The following MZT2B variants were observed in gnomAD, a reference collection of about 807,000 sequenced individuals.
MZT2B encodes mitotic-spindle organizing protein 2B.
A neutral mutation model predicts 12.1 loss-of-function variants in MZT2B; 11 were observed. The observed-to-expected ratio is 0.91, with a 90% CI of 0.57 to 1.50. The LOEUF (loss-of-function observed/expected upper bound fraction) is 1.50, where lower values mean the gene tolerates loss of function less well. MZT2B is among the 40% of genes most tolerant of loss of function. The pLI is 0.00. For missense variants in MZT2B, 209 were observed against 227.7 expected (o/e 0.92, Z 0.53); for synonymous variants, 85 against 109.5 (o/e 0.78, Z 1.40).
At chr2:130,182,089 C>A, upstream of MZT2B, 1 of 1,346,526 alleles carries the variant, frequency 7.4e-7, no homozygotes, top group Non-Finnish European at 9.6e-7. Context: ...CCTAGAGCGC[C>A]GCTCAGCACA....
chr2:130,199,009 C>G, the MZT2B span, among the ~76,000 whole-genome samples: 6 of 123,540 alleles, frequency 4.9e-5, 2 homozygotes, highest in African/African-American at 1.7e-4. Flanking sequence ...TCAAGAGTTC[C>G]CGAGACCAGC....
intron 2 of MZT2B, chr2:130,188,043 C>CT (rs1353840665): frequency 6.8e-6 from 1 of 146,672 alleles, no homozygotes; most frequent in Non-Finnish European, 1.5e-5. Context: ...GACTCAGTCT[C>CT]TAAACCCCCC....
the MZT2B span, among the ~76,000 whole-genome samples, chr2:130,202,648 C>T: frequency 6.6e-6 from 1 of 152,172 alleles, no homozygotes; most frequent in East Asian, 1.9e-4. Flanking sequence ...GGGCTTGGCT[C>T]CTTGCCATGG....
intron 2 of MZT2B, chr2:130,183,938 C>A: frequency 1.9e-6 from 3 of 1,550,586 alleles, no homozygotes; most frequent in Non-Finnish European, 2.6e-6. Context: ...CCCTCCGCCT[C>A]TCTTGCTGCC....
chr2:130,188,522 G>A (rs1313446331), intron 2 of MZT2B, among the ~76,000 whole-genome samples: 3 of 152,218 alleles, frequency 2.0e-5, no homozygotes, highest in Non-Finnish European at 4.4e-5. Flanking sequence ...GCTGGGCTGA[G>A]GTGGCCAATC....
chr2:130,183,414 C>A (rs921783405), intron 2 of MZT2B: 3 of 382,474 alleles, frequency 7.8e-6, no homozygotes, highest in African/African-American at 6.2e-5. Context: ...CCTGCGGGGT[C>A]TGAAGGGCCT....
chr2:130,191,769 T>C (rs1404393043), downstream of MZT2B: 21 of 1,564,472 alleles, frequency 1.3e-5, no homozygotes, highest in Middle Eastern at 5.2e-4. Flanking sequence ...AATCTTTAAT[T>C]GCAAACAACT....
the MZT2B span, among the ~76,000 whole-genome samples, chr2:130,197,297 G>T: frequency 1.9e-4 from 29 of 151,214 alleles, no homozygotes; most frequent in African/African-American, 6.8e-4. Flanking sequence ...GACCAGCCTG[G>T]GTAACATAGT....
At chr2:130,196,618 T>A in the MZT2B span, among the ~76,000 whole-genome samples, 19 of 152,182 alleles carry the variant, frequency 1.2e-4, no homozygotes, top group Non-Finnish European at 2.5e-4. Flanking sequence ...AAAACTTAGG[T>A]TATTTTAAAA....
upstream of MZT2B, chr2:130,182,187 C>G (rs936442265): frequency 4.0e-6 from 5 of 1,256,584 alleles, no homozygotes; most frequent in Admixed American, 4.0e-5. Flanking sequence ...CAGGGCAGCC[C>G]GGGAGGCCAG....
At chr2:130,184,787 G>GT in intron 2 of MZT2B, 2 of 985,392 alleles carry the variant, frequency 2.0e-6, no homozygotes, top group Non-Finnish European at 2.4e-6. Flanking sequence ...CAGGGCTCTG[G>GT]GAGCCAGGCC....
intron 2 of MZT2B, chr2:130,183,710 G>C: frequency 6.5e-7 from 1 of 1,550,282 alleles, no homozygotes; most frequent in Non-Finnish European, 8.7e-7. Context: ...ACCCAAGAGG[G>C]CCCGGGCACC....
downstream of MZT2B, chr2:130,190,754 GT>G (rs796189168): frequency 8.8e-3 from 10,310 of 1,169,354 alleles, 268 homozygotes; most frequent in African/African-American, 0.11. Flanking sequence ...TTTTTTTTTT[GT>G]TTTTTTTTTT....
intron 2 of MZT2B, chr2:130,183,609 C>T (rs765442608): frequency 2.8e-6 from 3 of 1,061,340 alleles, no homozygotes; most frequent in Non-Finnish European, 2.8e-6. Context: ...CCTGGAAGCA[C>T]GAGGAGACCC....
At chr2:130,197,492 C>CAAAAAAAAA in the MZT2B span, among the ~76,000 whole-genome samples, 1 of 44,388 alleles carries the variant, frequency 2.3e-5, no homozygotes, top group Non-Finnish European at 5.0e-5. Context: ...AGTGCTGTCT[C>CAAAAAAAAA]AAAAAAAAAA....
At chr2:130,183,644 G>C (rs1689909829) in intron 2 of MZT2B, 1 of 1,383,980 alleles carries the variant, frequency 7.2e-7, no homozygotes, top group African/African-American at 1.4e-5. Flanking sequence ...AGAAGGCGTG[G>C]AGAGCAGGCT....
the MZT2B span, among the ~76,000 whole-genome samples, chr2:130,197,027 G>A: frequency 2.6e-5 from 4 of 152,188 alleles, no homozygotes; most frequent in Non-Finnish European, 5.9e-5. Context: ...TGCTGTGGGT[G>A]ACCTGAATCC....
chr2:130,190,318 C>T (rs1242673450), intron 2 of MZT2B, 151 bp from the exon 3 acceptor site: 2 of 1,250,426 alleles, frequency 1.6e-6, no homozygotes, highest in East Asian at 5.1e-5. Context: ...GGTTCTGAGT[C>T]TCAGGACTTG....
downstream of MZT2B, chr2:130,193,693 G>T: frequency 6.7e-7 from 1 of 1,493,248 alleles, no homozygotes; most frequent in Non-Finnish European, 9.1e-7. Context: ...CATGGAACAG[G>T]GATAGTCTCC....
Sources: gnomAD v4.1 joint callset for allele counts (sites outside exome capture counted in the v4.1 genomes callset) on GRCh38, gnomAD v4.1.1 for gene constraint, MANE v1.5 for transcripts, NCBI Gene and HGNC (gene_info 2026-07-23, HGNC 2026-07-21) for gene names.